Variants in SCIN observed in about 807,000 individuals in gnomAD.
SCIN encodes the protein adseverin.
Under a neutral mutation model 91.8 loss-of-function variants are expected in SCIN, and 91 were observed. That is an observed-to-expected ratio of 0.99 (90% CI 0.84 to 1.18). The LOEUF (loss-of-function observed/expected upper bound fraction) is 1.18, where lower values mean the gene tolerates loss of function less well. Among genes scored for constraint, SCIN ranks in the 50% most tolerant of loss-of-function variants. The pLI, the probability that SCIN is intolerant of heterozygous loss-of-function variation, is 0.00. For synonymous variants in SCIN, 367 were observed against 312.6 expected (o/e 1.17, Z -1.84); for missense variants, 1,087 against 863.9 (o/e 1.26, Z -3.24).
At chr7:12,615,565 A>G (rs2115263259) in intron 4 of SCIN, among the ~76,000 whole-genome samples, 1 of 152,192 alleles carries the variant, frequency 6.6e-6, no homozygotes, top group Middle Eastern at 3.4e-3. Context: ...ATTACCCAGT[A>G]TCAGGTATTT....
chr7:12,601,176 G>C (rs1782950396), intron 3 of SCIN, among the ~76,000 whole-genome samples: 1 of 152,108 alleles, frequency 6.6e-6, no homozygotes, highest in Admixed American at 6.5e-5. Flanking sequence ...TTCTTAAAGA[G>C]GACCGTGGAT....
rs531406321 is a variant in SCIN, at chr7:12,592,697, G to C, written c.516+11476G>C. Among the ~76,000 whole-genome samples the C allele has an allele frequency of 9.2e-5, 14 of 152,164 alleles. 2 individuals carry two copies. The South Asian group carries it at 2.5e-3, about 27-fold the overall frequency. Reference sequence around the variant, plus strand: ...GGGTGGGGCAATGAGGCATGATAAGGAAAGAGTGTGAGAAAATGGCATCAA... The same window carrying C: ...GGGTGGGGCAATGAGGCATGATAAGCAAAGAGTGTGAGAAAATGGCATCAA... On this transcript the variant is annotated intron_variant, in intron 3 of 15. Transcript: ENST00000297029.
intron 4 of SCIN, among the ~76,000 whole-genome samples, chr7:12,621,211 G>C (rs997522177): frequency 6.6e-6 from 1 of 152,034 alleles, no homozygotes; most frequent in Non-Finnish European, 1.5e-5. Flanking sequence ...ATACCCCAGT[G>C]ACCTCAAATA....
At chr7:12,623,026 A>G in intron 5 of SCIN, 133 bp downstream of exon 5, 1 of 533,846 alleles carries the variant, frequency 1.9e-6, no homozygotes, top group Non-Finnish European at 3.3e-6. Context: ...GTGTAGATAG[A>G]ATCAGTTCTT....
At chr7:12,623,472 T>G (rs181193197) in intron 5 of SCIN, among the ~76,000 whole-genome samples, 1 of 152,222 alleles carries the variant, frequency 6.6e-6, no homozygotes, top group Non-Finnish European at 1.5e-5. Flanking sequence ...AGTATTCTTA[T>G]GCACACACAA....
At chr7:12,650,926 C>T (rs927738384) in intron 14 of SCIN, among the ~76,000 whole-genome samples, 2 of 152,074 alleles carry the variant, frequency 1.3e-5, no homozygotes, top group African/African-American at 2.4e-5. Flanking sequence ...CTCTTCCAGC[C>T]AAGATCCACC....
chr7:12,644,040 G>A (rs936781761), intron 11 of SCIN, 98 bp from the exon 12 acceptor site: 1 of 1,074,066 alleles, frequency 9.3e-7, no homozygotes, highest in Non-Finnish European at 1.4e-6. Context: ...AGGGCAGAAG[G>A]CGATGTATGG....
Position 12,626,719 on chromosome 7 carries a change from T to A in SCIN, c.1117T>A (p.Phe373Ile), listed in dbSNP as rs139171035. The stretch of plus-strand genomic sequence containing the variant: ...AGTGGCTCAAATAAAACAAATTCCC[T>A]TTGATGCCTCAAAATTACACAGTTC... ...EKVAQIKQIP[F>I]DASKLHSSPQ... Residue 373 changes from phenylalanine (F) to isoleucine (I), a missense_variant, in exon 8 of 16, where the codon TTT becomes ATT. Coordinates refer to ENST00000297029, the MANE Select transcript of SCIN (RefSeq NM_001112706.3). 3.5e-5 allele frequency: 57 copies of A among 1,605,852 alleles called. No homozygotes were observed. In the East Asian group the frequency reaches 1.3e-3, roughly 35 times the overall value.
In SCIN at chr7:12,651,531, A is replaced by AG. The variant is rs1376842877; in HGVS notation, c.1960-309dup. ...CCCTAGGGGGTGGATGAAAAAAAAAAGTCCACCCAGACAATCTGTTTTTTT... is the reference window on the plus strand; with the variant it reads ...CCCTAGGGGGTGGATGAAAAAAAAAAGGTCCACCCAGACAATCTGTTTTTTT... On this transcript the variant is annotated intron_variant, in intron 14 of 15. Coordinates refer to ENST00000297029, the MANE Select transcript of SCIN (RefSeq NM_001112706.3). This position sits in a 1 kb window ranked among gnomAD's most constrained non-coding sequence, Gnocchi z 5.9. 4.6e-4 allele frequency among the ~76,000 whole-genome samples: 70 copies of AG among 151,296 alleles called. No individual in the cohort carries two copies. Among genetic ancestry groups the AG allele is most frequent in the Admixed American group, 4.2e-3 (63 of 14,956 alleles).
intron 3 of SCIN, among the ~76,000 whole-genome samples, chr7:12,583,278 G>T (rs1184018774): frequency 6.6e-6 from 1 of 151,962 alleles, no homozygotes; most frequent in Non-Finnish European, 1.5e-5. Context: ...TTTACATCTT[G>T]ACTCTGATTT....
At chr7:12,617,498 A>G (rs1213492599) in intron 4 of SCIN, among the ~76,000 whole-genome samples, 2 of 152,134 alleles carry the variant, frequency 1.3e-5, no homozygotes, top group African/African-American at 4.8e-5. Flanking sequence ...GTGGGTTTGA[A>G]GCCTTAGGGA....
intron 11 of SCIN, among the ~76,000 whole-genome samples, chr7:12,642,661 G>T (rs929236026): frequency 1.3e-5 from 2 of 150,104 alleles, no homozygotes; most frequent in African/African-American, 4.9e-5. Flanking sequence ...CACAAACAAA[G>T]GTCACTTTTC....
intron 9 of SCIN, 63 bp downstream of exon 9, chr7:12,629,285 A>C (rs1783596028): frequency 1.4e-6 from 2 of 1,480,842 alleles, no homozygotes; most frequent in Non-Finnish European, 1.8e-6. Flanking sequence ...CAAAGTATTA[A>C]ATTCTATGCA....
chr7:12,632,857 T>C (rs2115282706), intron 9 of SCIN, among the ~76,000 whole-genome samples: 1 of 152,334 alleles, frequency 6.6e-6, no homozygotes, highest in South Asian at 2.1e-4. Flanking sequence ...CTTTCTTCTT[T>C]CCAATTTGAA....
At chr7:12,572,112 T>C (rs1782283604) in intron 1 of SCIN, among the ~76,000 whole-genome samples, 1 of 152,168 alleles carries the variant, frequency 6.6e-6, no homozygotes, top group Non-Finnish European at 1.5e-5. Context: ...AACAAAATAA[T>C]AGAAAACATT....
chr7:12,578,351 G>A, intron 2 of SCIN, 133 bp downstream of exon 2: 1 of 750,738 alleles, frequency 1.3e-6, no homozygotes. Context: ...AATCTGTTTT[G>A]TTCATGGATA....
At chr7:12,638,214 T>C (rs757165294) in intron 10 of SCIN, among the ~76,000 whole-genome samples, 63 of 152,222 alleles carry the variant, frequency 4.1e-4, no homozygotes, top group Non-Finnish European at 8.2e-4. Flanking sequence ...GTCCGTCTGC[T>C]TTCTCGTTCA....
At chr7:12,599,662 C>G (rs1379887652) in intron 3 of SCIN, among the ~76,000 whole-genome samples, 3 of 152,094 alleles carry the variant, frequency 2.0e-5, no homozygotes, top group Non-Finnish European at 2.9e-5. Flanking sequence ...TTCCCTTTCA[C>G]CACACCCACA....
intron 13 of SCIN, among the ~76,000 whole-genome samples, chr7:12,645,459 G>A (rs751126245): frequency 2.1e-5 from 3 of 141,556 alleles, no homozygotes; most frequent in Non-Finnish European, 4.7e-5. Context: ...TACAAACCAC[G>A]GTGACAACCT....
Sources: allele counts gnomAD v4.1 joint callset (sites outside exome capture counted in the v4.1 genomes callset), GRCh38; gene constraint gnomAD v4.1.1; non-coding constraint Gnocchi (gnomAD v3.1); transcripts MANE v1.5; gene names NCBI Gene and HGNC (gene_info 2026-07-23, HGNC 2026-07-21).